Variants in RAP1GAP2 observed in about 807,000 individuals in gnomAD.
RAP1GAP2 encodes the protein RAP1 GTPase activating protein 2.
RAP1GAP2 carries 27 observed loss-of-function variants against 95.0 expected under a neutral mutation model. That is an observed-to-expected ratio of 0.28 (90% CI 0.21 to 0.39). The LOEUF (loss-of-function observed/expected upper bound fraction) is 0.39, where lower values mean the gene tolerates loss of function less well. RAP1GAP2 is among the 10% of genes least tolerant of loss of function. The pLI, the probability that RAP1GAP2 is intolerant of heterozygous loss-of-function variation, is 1.00. For missense variants in RAP1GAP2, 771 were observed against 970.0 expected (o/e 0.79, Z 2.72); for synonymous variants, 373 against 380.9 (o/e 0.98, Z 0.24).
chr17:2,848,326 C>T (rs2071674295), intron 2 of RAP1GAP2, among the ~76,000 whole-genome samples: 4 of 152,076 alleles, frequency 2.6e-5, no homozygotes, highest in South Asian at 2.1e-4. Flanking sequence ...GCTGAGGTTT[C>T]CCAGGCTTGT....
chr17:2,921,695 C>T (rs1024095225), intron 3 of RAP1GAP2, among the ~76,000 whole-genome samples: 6 of 109,222 alleles, frequency 5.5e-5, no homozygotes, highest in South Asian at 3.0e-4. Flanking sequence ...TTAAGGTGTC[C>T]GCAGGGCCGT....
chr17:2,807,932 C>T (rs556095614), intron 2 of RAP1GAP2, among the ~76,000 whole-genome samples: 6 of 152,258 alleles, frequency 3.9e-5, no homozygotes, highest in South Asian at 2.1e-4. Flanking sequence ...AAGAGGTCCC[C>T]GGAGACCCTC....
At chr17:2,885,010 C>CA (rs1555561177) in intron 2 of RAP1GAP2, among the ~76,000 whole-genome samples, 1 of 147,972 alleles carries the variant, frequency 6.8e-6, no homozygotes, top group Non-Finnish European at 1.5e-5. Flanking sequence ...CAAATAGGCA[C>CA]ATTTCTTTTA....
At chr17:2,869,051 GGGCCTCTTTTCCAA>G (rs2072734623) in intron 2 of RAP1GAP2, among the ~76,000 whole-genome samples, 1 of 152,048 alleles carries the variant, frequency 6.6e-6, no homozygotes, top group South Asian at 2.1e-4. Flanking sequence ...GAGCTCTCAG[GGGCCTCTTTTCCAA>G]GGCACTGATT....
Position 2,948,627 on chromosome 17 carries a change from C to T in RAP1GAP2, c.166-9132C>T, listed in dbSNP as rs4790106. ...GTGGCTGCCTGTCTGCAGGAGAAGC[C>T]GTGTCCATGTGTAGAGCTGCTGTGG... On this transcript the variant is annotated intron_variant, in intron 3 of 24. Coordinates refer to ENST00000254695, the MANE Select transcript of RAP1GAP2 (RefSeq NM_015085.5). Among the ~76,000 whole-genome samples, 41 of 133,718 alleles carry T rather than the reference C, an allele frequency of 3.1e-4. 1 individual carries two copies. Among genetic ancestry groups the T allele is most frequent in the African/African-American group, 1.1e-3 (38 of 35,416 alleles). The allele number at this position is 133,718 out of a possible 152,430, so 87.7% of individuals were successfully genotyped here.
At chr17:2,795,589 G>A (rs908379882), upstream of RAP1GAP2, among the ~76,000 whole-genome samples, 5 of 152,234 alleles carry the variant, frequency 3.3e-5, no homozygotes, top group African/African-American at 1.2e-4. Context: ...GACACTTGGC[G>A]GCGGGGGTGG....
intron 1 of RAP1GAP2, among the ~76,000 whole-genome samples, chr17:2,759,747 G>A (rs1482659950): frequency 6.6e-6 from 1 of 151,980 alleles, no homozygotes; most frequent in Non-Finnish European, 1.5e-5. Context: ...CACCGCGCCC[G>A]GCCAATTCTT....
chr17:2,772,742 C>T (rs1220619202), upstream of RAP1GAP2, among the ~76,000 whole-genome samples: 3 of 152,010 alleles, frequency 2.0e-5, no homozygotes, highest in Non-Finnish European at 4.4e-5. Flanking sequence ...GGTTAAGTTA[C>T]AGCTAGTAAG....
chr17:2,891,302 C>G (rs1051316738), intron 2 of RAP1GAP2, among the ~76,000 whole-genome samples: 3 of 151,972 alleles, frequency 2.0e-5, no homozygotes, highest in African/African-American at 7.2e-5. Flanking sequence ...TGCTTGCCAC[C>G]ATGCCTGGCT....
chr17:2,878,494 G>A (rs1373439371), intron 2 of RAP1GAP2, among the ~76,000 whole-genome samples: 3 of 152,224 alleles, frequency 2.0e-5, no homozygotes, highest in African/African-American at 7.2e-5. Context: ...TCGCTGACTC[G>A]AAAGGTGCAT....
intron 2 of RAP1GAP2, among the ~76,000 whole-genome samples, chr17:2,808,768 C>T (rs182452932): frequency 5.9e-5 from 9 of 152,280 alleles, no homozygotes; most frequent in African/African-American, 2.2e-4. Context: ...TCAGGATGGG[C>T]CCTGTGCCTG....
intron 1 of RAP1GAP2, among the ~76,000 whole-genome samples, chr17:2,784,508 T>C (rs911788854): frequency 6.6e-6 from 1 of 152,022 alleles, no homozygotes; most frequent in African/African-American, 2.4e-5. Context: ...TGACCTCAAG[T>C]GATCCGCCCG....
intron 19 of RAP1GAP2, among the ~76,000 whole-genome samples, chr17:3,022,311 G>A (rs73300924): frequency 0.016 from 2,472 of 152,260 alleles, 71 homozygotes; most frequent in African/African-American, 0.057. Flanking sequence ...TTCATTGCTG[G>A]TGGGAATGTA....
intron 2 of RAP1GAP2, among the ~76,000 whole-genome samples, chr17:2,823,934 C>T (rs894692227): frequency 6.0e-5 from 9 of 151,086 alleles, no homozygotes; most frequent in East Asian, 3.9e-4. Flanking sequence ...CCATCCTGGC[C>T]AACATGGTGA....
At chr17:2,981,341 G>A (rs1028700172) in intron 10 of RAP1GAP2, 93 bp downstream of exon 10, 1 of 1,098,712 alleles carries the variant, frequency 9.1e-7, no homozygotes, top group Non-Finnish European at 1.3e-6. Context: ...GCATCATAGT[G>A]GGGTTTCGTG....
rs187150433 is a variant in RAP1GAP2, at chr17:3,026,246, G to A, written c.1866-104G>A. ...TGGAACTCTCCAGAACACAAAGGCC[G>A]ACGGGTGGGGGCGTGGGGAGCCGCC... On this transcript the variant is annotated intron_variant, in intron 20 of 24. Coordinates refer to ENST00000254695, the MANE Select transcript of RAP1GAP2 (RefSeq NM_015085.5). 54 of 1,308,126 alleles carry A rather than the reference G, an allele frequency of 4.1e-5. No homozygotes were observed. The East Asian group carries it at 6.8e-4, about 16-fold the overall frequency. 81.0% of individuals were successfully genotyped at this position (1,308,126 alleles called of 1,614,324 possible). A position where few individuals can be genotyped will look rare whatever the true frequency, so the allele number is the denominator to read the frequency against.
In RAP1GAP2 at chr17:3,003,010, T is replaced by G. The variant is rs2046214089; in HGVS notation, c.1201-2359T>G. Among the ~76,000 whole-genome samples the G allele has an allele frequency of 2.0e-5, 3 of 151,526 alleles. No homozygotes were observed. The Admixed American group carries it at 2.0e-4, about 10-fold the overall frequency. ...GAAAAGGCCACTGGGCGACAGTGGT[T>G]ACCCCTTACCAGCTGCTTGCTCATG... On this transcript the variant is annotated intron_variant, in intron 14 of 24. Coordinates refer to ENST00000254695, the MANE Select transcript of RAP1GAP2 (RefSeq NM_015085.5). The surrounding 1 kb of genome is among the most constrained non-coding windows in gnomAD (Gnocchi z 4.1).
chr17:2,988,296 T>C (rs1030490385), intron 11 of RAP1GAP2, among the ~76,000 whole-genome samples: 4 of 152,162 alleles, frequency 2.6e-5, no homozygotes, highest in Admixed American at 2.0e-4. Flanking sequence ...CGAGATCTCA[T>C]GTACCCTTTA....
upstream of RAP1GAP2, among the ~76,000 whole-genome samples, chr17:2,791,994 T>G (rs178577): frequency 0.97 from 147,846 of 152,066 alleles, 72,005 homozygotes; most frequent in East Asian, 1. Context: ...CGAGGAGCTG[T>G]GATTACAGGT....
Sources: allele counts gnomAD v4.1 joint callset (sites outside exome capture counted in the v4.1 genomes callset), GRCh38; gene constraint gnomAD v4.1.1; non-coding constraint Gnocchi (gnomAD v3.1); transcripts MANE v1.5; gene names NCBI Gene and HGNC (gene_info 2026-07-23, HGNC 2026-07-21).